HOXD3: variants seen among roughly 807,000 people sequenced by gnomAD.
The protein encoded by HOXD3 is homeobox D3, also known as homeobox protein Hox-D3.
Under a neutral mutation model 32.8 loss-of-function variants are expected in HOXD3, and 13 were observed. The observed-to-expected ratio is 0.40, with a 90% confidence interval of 0.26 to 0.63. The LOEUF (loss-of-function observed/expected upper bound fraction) is 0.63, where lower values mean the gene tolerates loss of function less well. Ranked by LOEUF, HOXD3 falls within the 20% of genes least tolerant of loss-of-function variation. The pLI is 0.44. For missense variants in HOXD3, 504 were observed against 577.1 expected (o/e 0.87, Z 1.30); for synonymous variants, 241 against 246.8 (o/e 0.98, Z 0.22).
At position 176,172,289 on chromosome 2, in the gene HOXD3, C is replaced by T. The variant is rs749246245; in HGVS notation, c.*15C>T. 1.3e-6 allele frequency: 2 copies of T among 1,576,650 alleles called. No homozygotes were observed. Among genetic ancestry groups the T allele is most frequent in the Non-Finnish European group, 1.7e-6 (2 of 1,165,422 alleles). On this transcript the variant is annotated 3_prime_UTR_variant, in exon 4 of 4. Transcript: ENST00000683222. ...CGCATCTGTAGCGGCCGCCGCCAGC[C>T]CGAACTCGCGGCAAAATTACCTCTC...
intron 1 of HOXD3, among the ~76,000 whole-genome samples, chr2:176,159,783 C>T (rs1225307802): frequency 2.0e-5 from 3 of 152,234 alleles, no homozygotes; most frequent in Admixed American, 6.5e-5. Flanking sequence ...GCGCAGTCCT[C>T]CTCGCCTTCC....
At chr2:176,153,255 A>G (rs1236433455), upstream of HOXD3, 1 of 389,544 alleles carries the variant, frequency 2.6e-6, no homozygotes, top group Non-Finnish European at 4.7e-6. Flanking sequence ...TTTGCAAATG[A>G]AGGTTGGATG....
In HOXD3 at chr2:176,169,559, G is replaced by A. The variant is rs1245351465; in HGVS notation, c.445G>A (p.Ala149Thr). ...PAKKPKGGPN[A>T]SSSSATISKQ... ...CAAGAAGCCCAAAGGTGGGCCCAATGCTTCTAGCTCCTCAGCCACCATCAG... is the reference window on the plus strand; with the variant it reads ...CAAGAAGCCCAAAGGTGGGCCCAATACTTCTAGCTCCTCAGCCACCATCAG... The change falls in exon 3 of 4, where the codon GCT (alanine) becomes ACT (threonine). Residue 149 changes from alanine to threonine, a missense_variant. Ala to Thr is a moderately conservative substitution (Grantham distance 58, BLOSUM62 0). Around this residue, in one of 3 missense-constraint regions of HOXD3, gnomAD observed 97 missense variants for 158.0 expected, o/e 0.61. Coordinates refer to ENST00000683222, the MANE Select transcript of HOXD3 (RefSeq NM_006898.5). 6 of 1,613,900 alleles carry A rather than the reference G, an allele frequency of 3.7e-6. No homozygotes were observed. The highest frequency in any genetic ancestry group is 5.1e-6 in the Non-Finnish European group (6 of 1,180,028).
intron 2 of HOXD3, chr2:176,164,671 CAAAACAGGGGGAGGCG>C (rs961150971): frequency 6.7e-6 from 1 of 150,040 alleles, no homozygotes; most frequent in Non-Finnish European, 1.5e-5. Context: ...CTGGTTTAGG[CAAAACAGGGGGAGGCG>C]CCGAGACCAG....
intron 2 of HOXD3, among the ~76,000 whole-genome samples, chr2:176,166,795 A>C (rs1343432464): frequency 6.6e-6 from 1 of 152,234 alleles, no homozygotes; most frequent in African/African-American, 2.4e-5. Flanking sequence ...AAGACAAAAC[A>C]AAAAGGGCAA....
upstream of HOXD3, among the ~76,000 whole-genome samples, chr2:176,155,494 C>T (rs1690624504): frequency 6.6e-6 from 1 of 152,178 alleles, no homozygotes; most frequent in African/African-American, 2.4e-5. Flanking sequence ...AGCTCTCCTT[C>T]TCAGCTTGGA....
chr2:176,156,660 C>T (rs1358347234), upstream of HOXD3, among the ~76,000 whole-genome samples: 1 of 152,138 alleles, frequency 6.6e-6, no homozygotes. Context: ...TCCGCGCCCC[C>T]TCCACCCCTC....
At chr2:176,152,902 C>T (rs751299970), upstream of HOXD3, 27 of 1,614,070 alleles carry the variant, frequency 1.7e-5, no homozygotes, top group South Asian at 3.3e-5. This position sits in a 1 kb window ranked among gnomAD's most constrained non-coding sequence, Gnocchi z 5.2. Context: ...CATTTACAGC[C>T]GATGGCCAAA....
Position 176,171,584 on chromosome 2 carries a change from C to T in HOXD3, c.609C>T (p.Ser203=), listed in dbSNP as rs373952633. The change falls in exon 4 of 4, where the codon AGC becomes AGT. Residue 203 remains serine (S), a synonymous_variant. Transcript: ENST00000683222. The part of the protein sequence containing the change: ...ASKRVRTAYT[S]AQLVELEKEF... ...AGCGGGTACGCACGGCATACACGAG[C>T]GCGCAGCTGGTGGAATTGGAAAAGG... The T allele has an allele frequency of 6.2e-7, 1 of 1,613,370 alleles. No individual in the cohort carries two copies. Among genetic ancestry groups the T allele is most frequent in the African/African-American group, 1.3e-5 (1 of 74,956 alleles).
At chr2:176,153,082 G>C (rs1690577629), upstream of HOXD3, 5 of 743,928 alleles carry the variant, frequency 6.7e-6, no homozygotes, top group Non-Finnish European at 1.1e-5. Flanking sequence ...CCTCGGACTA[G>C]GTTAGCATCC....
upstream of HOXD3, chr2:176,152,939 A>G (rs1460737985): frequency 6.2e-7 from 1 of 1,613,874 alleles, no homozygotes; most frequent in African/African-American, 1.3e-5. The surrounding 1 kb of genome is among the most constrained non-coding windows in gnomAD (Gnocchi z 5.2). Context: ...TGACGACCTT[A>G]TAGAAGTGGG....
At chr2:176,153,055 T>C, upstream of HOXD3, 2 of 903,502 alleles carry the variant, frequency 2.2e-6, no homozygotes, top group Non-Finnish European at 3.3e-6. Flanking sequence ...GGGGTGGACC[T>C]GGGACAAGCA....
At chr2:176,153,817 G>C (rs1221893233), upstream of HOXD3, among the ~76,000 whole-genome samples, 2 of 152,028 alleles carry the variant, frequency 1.3e-5, no homozygotes. Flanking sequence ...AACCAGTTCT[G>C]GGTGATTAAA....
upstream of HOXD3, among the ~76,000 whole-genome samples, chr2:176,153,474 C>T (rs1165768420): frequency 1.3e-5 from 2 of 152,150 alleles, no homozygotes; most frequent in Non-Finnish European, 2.9e-5. Context: ...ATTTTGCTCC[C>T]AGTGGCCCCA....
intron 2 of HOXD3, 35 bp from the exon 3 acceptor site, chr2:176,168,996 A>G (rs1691085898): frequency 2.8e-6 from 4 of 1,450,486 alleles, no homozygotes; most frequent in Non-Finnish European, 2.7e-6. Context: ...TGCCAATGAC[A>G]CTCCCTCTGG....
intron 1 of HOXD3, among the ~76,000 whole-genome samples, chr2:176,162,005 G>A (rs1241750954): frequency 6.6e-6 from 1 of 152,236 alleles, no homozygotes; most frequent in African/African-American, 2.4e-5. Context: ...TCGTGGTAAT[G>A]CCACTGGGCC....
At chr2:176,161,917 G>A (rs1690818074) in intron 1 of HOXD3, among the ~76,000 whole-genome samples, 1 of 152,232 alleles carries the variant, frequency 6.6e-6, no homozygotes. Flanking sequence ...TGGGAGAGGA[G>A]AAGACAACCC....
intron 2 of HOXD3, chr2:176,164,507 G>T (rs1182625752): frequency 2.6e-5 from 4 of 152,216 alleles, no homozygotes; most frequent in African/African-American, 9.6e-5. Flanking sequence ...ACGTAAAGAA[G>T]TCTCCTTTCG....
At chr2:176,160,362 T>G (rs908327786) in intron 1 of HOXD3, among the ~76,000 whole-genome samples, 2 of 152,154 alleles carry the variant, frequency 1.3e-5, no homozygotes. Flanking sequence ...GAGGTCGTTG[T>G]GGGGAGAGAC....
Sources: allele counts gnomAD v4.1 joint callset (sites outside exome capture counted in the v4.1 genomes callset), GRCh38; gene constraint gnomAD v4.1.1; regional missense constraint gnomAD v4.1.1; non-coding constraint Gnocchi (gnomAD v3.1); transcripts MANE v1.5; gene names NCBI Gene and HGNC (gene_info 2026-07-23, HGNC 2026-07-21).